CCDC91: variants seen among roughly 807,000 people sequenced by gnomAD.
CCDC91 encodes coiled-coil domain-containing protein 91.
Under a neutral mutation model 63.2 loss-of-function variants are expected in CCDC91, and 48 were observed. The observed-to-expected ratio is 0.76, with a 90% CI of 0.60 to 0.97. The LOEUF (loss-of-function observed/expected upper bound fraction) is 0.97, where lower values mean the gene tolerates loss of function less well. CCDC91 is among the 50% of genes least tolerant of loss of function. The pLI, the probability that CCDC91 is intolerant of heterozygous loss-of-function variation, is 0.00. For synonymous variants in CCDC91, 167 were observed against 165.8 expected, an observed-to-expected ratio of 1.01 and a Z score of -0.06; for missense variants, 500 against 494.6, an observed-to-expected ratio of 1.01 and a Z score of -0.10.
intron 6 of CCDC91, among the ~76,000 whole-genome samples, chr12:28,328,650 G>A (rs1277390399): frequency 6.6e-6 from 1 of 152,172 alleles, no homozygotes; most frequent in African/African-American, 2.4e-5. Context: ...TTAAGATGTA[G>A]TGAGAGAATA....
At chr12:28,239,618 G>A (rs1230906859) in intron 1 of CCDC91, among the ~76,000 whole-genome samples, 1 of 152,116 alleles carries the variant, frequency 6.6e-6, no homozygotes, top group Non-Finnish European at 1.5e-5. Context: ...ATATAATAAA[G>A]TGTATCCAAC....
At chr12:28,370,768 T>C (rs1944568877) in intron 7 of CCDC91, among the ~76,000 whole-genome samples, 1 of 152,132 alleles carries the variant, frequency 6.6e-6, no homozygotes, top group African/African-American at 2.4e-5. Flanking sequence ...TCAGAAAACT[T>C]ATAATCGTGG....
chr12:28,487,205 T>A (rs544793777), intron 12 of CCDC91, among the ~76,000 whole-genome samples: 15 of 152,022 alleles, frequency 9.9e-5, no homozygotes, highest in African/African-American at 3.6e-4. Context: ...TTTGGGATTT[T>A]AAACTTTTAT....
intron 11 of CCDC91, among the ~76,000 whole-genome samples, chr12:28,458,356 T>C (rs1301033978): frequency 1.3e-5 from 2 of 151,260 alleles, no homozygotes; most frequent in African/African-American, 4.9e-5. Flanking sequence ...TCAGTTATAG[T>C]CATTCAGTGA....
chr12:28,313,336 G>A (rs1466396496), intron 6 of CCDC91, among the ~76,000 whole-genome samples: 2 of 151,980 alleles, frequency 1.3e-5, no homozygotes, highest in East Asian at 3.9e-4. Context: ...AAAATAGTAT[G>A]TGTAGTCTGG....
At chr12:28,348,799 C>T (rs1400303976) in intron 6 of CCDC91, among the ~76,000 whole-genome samples, 1 of 152,150 alleles carries the variant, frequency 6.6e-6, no homozygotes, top group Non-Finnish European at 1.5e-5. Context: ...TCTTGGCTCA[C>T]TGCAACCTCT....
chr12:28,359,677 A>T (rs1045142067), intron 6 of CCDC91, among the ~76,000 whole-genome samples: 2 of 152,146 alleles, frequency 1.3e-5, no homozygotes, highest in Non-Finnish European at 2.9e-5. Flanking sequence ...TCTCTGGGTA[A>T]CACTAGTGTA....
chr12:28,426,382 T>A (rs1948318196), intron 8 of CCDC91, among the ~76,000 whole-genome samples: 1 of 152,216 alleles, frequency 6.6e-6, no homozygotes. Flanking sequence ...TTTGTGGCTA[T>A]TGAAAGCTAT....
At chr12:28,396,738 T>A (rs1425591551) in intron 8 of CCDC91, among the ~76,000 whole-genome samples, 1 of 151,794 alleles carries the variant, frequency 6.6e-6, no homozygotes, top group East Asian at 1.9e-4. Context: ...ATAAGTATGT[T>A]TTTATGTAAT....
chr12:28,448,733 T>G (rs1949657486), intron 8 of CCDC91, among the ~76,000 whole-genome samples: 1 of 152,054 alleles, frequency 6.6e-6, no homozygotes, highest in African/African-American at 2.4e-5. Context: ...TTCTAAACAT[T>G]TTTGTTTTAT....
intron 1 of CCDC91, among the ~76,000 whole-genome samples, chr12:28,202,449 T>C (rs1280144039): frequency 2.6e-5 from 4 of 152,142 alleles, no homozygotes; most frequent in Non-Finnish European, 5.9e-5. Flanking sequence ...TTTGTTTGCA[T>C]AGTGACTTTC....
At chr12:28,409,427 T>A (rs1947176447) in intron 8 of CCDC91, among the ~76,000 whole-genome samples, 2 of 152,126 alleles carry the variant, frequency 1.3e-5, no homozygotes, top group South Asian at 4.1e-4. Context: ...GTCTAGATAA[T>A]TGTAATCTAT....
At position 28,415,772 on chromosome 12, in the gene CCDC91, G is replaced by A. The variant is rs1342851218; in HGVS notation, c.762+24361G>A. On this transcript the variant is annotated intron_variant, in intron 8 of 12. Transcript: ENST00000536442. ...GAAAATATTCTTGTGAACTTATATA[G>A]TGGTTACAGTCAATATAGGAGACAT... 2.0e-5 allele frequency among the ~76,000 whole-genome samples: 3 copies of A among 151,770 alleles called. No homozygotes were observed. In the East Asian group the frequency reaches 5.8e-4, roughly 29 times the overall value.
intron 12 of CCDC91, among the ~76,000 whole-genome samples, chr12:28,529,375 TG>T (rs1473196902): frequency 2.6e-5 from 4 of 152,192 alleles, no homozygotes; most frequent in Admixed American, 6.6e-5. Context: ...ACGTGATGAC[TG>T]GTGAAGTCAG....
intron 8 of CCDC91, among the ~76,000 whole-genome samples, chr12:28,398,254 G>C (rs1019813595): frequency 6.6e-6 from 1 of 151,698 alleles, no homozygotes; most frequent in African/African-American, 2.4e-5. Flanking sequence ...CATTTTTTCT[G>C]TTATTTCATA....
intron 12 of CCDC91, among the ~76,000 whole-genome samples, chr12:28,513,449 T>A (rs1939592280): frequency 6.6e-6 from 1 of 151,906 alleles, no homozygotes. Flanking sequence ...CACTGACATA[T>A]GTTGCTCAAA....
intron 3 of CCDC91, among the ~76,000 whole-genome samples, chr12:28,265,591 G>A (rs1364061912): frequency 2.6e-5 from 4 of 151,172 alleles, no homozygotes; most frequent in Non-Finnish European, 3.0e-5. Context: ...ACAACAGATC[G>A]GTCATTTTAT....
intron 6 of CCDC91, among the ~76,000 whole-genome samples, chr12:28,313,838 T>C (rs1565782083): frequency 6.6e-6 from 1 of 151,998 alleles, no homozygotes; most frequent in Non-Finnish European, 1.5e-5. Context: ...AAAACTTGAA[T>C]AGAGAACTCC....
At chr12:28,512,110 C>T (rs1053735284) in intron 12 of CCDC91, among the ~76,000 whole-genome samples, 7 of 151,772 alleles carry the variant, frequency 4.6e-5, no homozygotes, top group African/African-American at 1.7e-4. Flanking sequence ...TCGGAACACT[C>T]ATATTTGGGT....
Sources: gnomAD v4.1 joint callset for allele counts (sites outside exome capture counted in the v4.1 genomes callset) on GRCh38, gnomAD v4.1.1 for gene constraint, MANE v1.5 for transcripts, NCBI Gene and HGNC (gene_info 2026-07-23, HGNC 2026-07-21) for gene names.